The following TMEM245 variants were observed in gnomAD, a reference collection of about 807,000 sequenced individuals.
TMEM245 encodes protein CG-2.
A neutral mutation model predicts 101.2 loss-of-function variants in TMEM245; 69 were observed. The observed-to-expected ratio is 0.68, with a 90% CI of 0.56 to 0.83. The LOEUF (loss-of-function observed/expected upper bound fraction) is 0.83. Ranked by LOEUF, TMEM245 falls within the 40% of genes least tolerant of loss-of-function variation. The pLI is 0.00. For missense variants in TMEM245, 1,075 were observed against 1,092.8 expected, an observed-to-expected ratio of 0.98 and a Z score of 0.23; for synonymous variants, 537 against 449.8, an observed-to-expected ratio of 1.19 and a Z score of -2.45.
Position 109,119,910 on chromosome 9 carries a change from C to T in TMEM245, c.4G>A (p.Ala2Thr). 2 of 1,276,870 alleles carry T rather than the reference C, an allele frequency of 1.6e-6. No individual in the cohort carries two copies. The highest frequency in any genetic ancestry group is 3.1e-5 in the South Asian group (1 of 31,848). 79.1% of individuals were successfully genotyped at this position (1,276,870 alleles called of 1,614,324 possible). The change falls in exon 1 of 18, where the codon GCC becomes ACC. Residue 2 changes from alanine to threonine, a missense_variant. This residue lies in a region of TMEM245 where 808 missense variants were observed against 741.5 expected (regional missense o/e 1.09). Transcript: ENST00000374586. ...GCGTCCTTAGGGCCGCCGCCGTCGG[C>T]CATCGTTCCTCCGCCACAGCCGCCC... M[A>T]DGGGPKDAPS...
chr9:109,068,670 G>A (rs933727872), intron 9 of TMEM245, among the ~76,000 whole-genome samples: 2 of 151,952 alleles, frequency 1.3e-5, no homozygotes, highest in African/African-American at 4.8e-5. Flanking sequence ...CTTCCTAAAT[G>A]GAACATTAAT....
rs367943999 is a variant in TMEM245 at position 109,094,093 on chromosome 9, G to A, written c.800-502C>T. Among the ~76,000 whole-genome samples, 7 of 152,284 alleles carry A rather than the reference G, an allele frequency of 4.6e-5. No individual in the cohort carries two copies. The East Asian group carries it at 7.7e-4, about 17-fold the overall frequency. On this transcript the variant is annotated intron_variant, in intron 3 of 17. Transcript: ENST00000374586. The stretch of plus-strand genomic sequence containing the variant: ...ATAGATTTATAAATTACATAACTCA[G>A]TACAGGCAAAATCCACCACTTGAAA...
chr9:109,041,333 T>C (rs763586776), intron 14 of TMEM245, among the ~76,000 whole-genome samples: 15 of 152,016 alleles, frequency 9.9e-5, no homozygotes, highest in Non-Finnish European at 2.1e-4. Flanking sequence ...TAGATGATCC[T>C]GGAGGACATT....
intron 14 of TMEM245, among the ~76,000 whole-genome samples, chr9:109,041,453 ATTTTTTTTTT>A (rs1193341550): frequency 7.9e-4 from 66 of 83,254 alleles, no homozygotes; most frequent in African/African-American, 2.4e-3. Flanking sequence ...CATCCTACAA[ATTTTTTTTTT>A]TTTTTTTTTT....
intron 12 of TMEM245, among the ~76,000 whole-genome samples, chr9:109,052,181 T>TA (rs1242033032): frequency 1.3e-5 from 2 of 152,228 alleles, no homozygotes; most frequent in Non-Finnish European, 2.9e-5. Context: ...TCCTTCCTCT[T>TA]AATGAAAAAT....
chr9:109,093,696 C>G, intron 3 of TMEM245, 105 bp from the exon 4 acceptor site: 2 of 891,004 alleles, frequency 2.2e-6, no homozygotes, highest in Non-Finnish European at 3.7e-6. Context: ...AAAATGGTTA[C>G]TACTGACCCA....
chr9:109,087,265 T>G lies in TMEM245; in HGVS notation c.1228A>C (p.Ile410Leu), dbSNP rs369321391. 3 of 1,614,036 alleles carry G rather than the reference T, an allele frequency of 1.9e-6. No individual in the cohort carries two copies. The highest frequency in any genetic ancestry group is 1.7e-6 in the Non-Finnish European group (2 of 1,179,970). ...CGCTCCTTCAGGAAGCTTTCTATAA[T>G]GCCCCACCACACATGGTAGCGTTTC... is the stretch of plus-strand genomic sequence containing the variant. ...LEKRYHVWWG[I>L]IESFLKERQG... The change falls in exon 6 of 18, where the codon ATT (isoleucine) becomes CTT (leucine). Residue 410 changes from isoleucine (I) to leucine (L), a missense_variant. Coordinates refer to ENST00000374586, the MANE Select transcript of TMEM245 (RefSeq NM_032012.4).
At chr9:109,067,762 A>C (rs550744320) in intron 9 of TMEM245, among the ~76,000 whole-genome samples, 1 of 152,280 alleles carries the variant, frequency 6.6e-6, no homozygotes, top group African/African-American at 2.4e-5. Flanking sequence ...AATCTGTCTA[A>C]TTTACCCACC....
chr9:109,060,158 CAGAG>C (rs1296753169), intron 11 of TMEM245, among the ~76,000 whole-genome samples, 192 bp downstream of exon 11: 1 of 152,166 alleles, frequency 6.6e-6, no homozygotes, highest in African/African-American at 2.4e-5. Flanking sequence ...ACTGACGCAC[CAGAG>C]AGATAGGCAG....
At chr9:109,076,369 G>A (rs370894241) in intron 8 of TMEM245, among the ~76,000 whole-genome samples, 2 of 68,386 alleles carry the variant, frequency 2.9e-5, no homozygotes, top group African/African-American at 5.2e-5. Flanking sequence ...ATCACACACC[G>A]GGACCCACTG....
intron 1 of TMEM245, among the ~76,000 whole-genome samples, chr9:109,111,427 A>G (rs1306777434): frequency 1.3e-5 from 2 of 152,206 alleles, no homozygotes; most frequent in African/African-American, 4.8e-5. Context: ...AGGAATTAGT[A>G]TCATTTGCAA....
chr9:109,075,573 G>A (rs2132499706), intron 8 of TMEM245, among the ~76,000 whole-genome samples: 1 of 152,242 alleles, frequency 6.6e-6, no homozygotes, highest in East Asian at 1.9e-4. Context: ...ATTTCTTCTT[G>A]AGTCTGTTCC....
At chr9:109,030,916 G>A (rs1376908627) in intron 17 of TMEM245, among the ~76,000 whole-genome samples, 1 of 152,098 alleles carries the variant, frequency 6.6e-6, no homozygotes, top group Non-Finnish European at 1.5e-5. Flanking sequence ...TGTTGTTAAA[G>A]AATTTTACAT....
intron 17 of TMEM245, among the ~76,000 whole-genome samples, chr9:109,030,642 T>C (rs1317277808): frequency 6.6e-6 from 1 of 152,212 alleles, no homozygotes; most frequent in Non-Finnish European, 1.5e-5. Flanking sequence ...TGAGCACTTG[T>C]CTTTAAGAGG....
chr9:109,067,624 C>A (rs1484529349), intron 9 of TMEM245, among the ~76,000 whole-genome samples: 1 of 152,178 alleles, frequency 6.6e-6, no homozygotes, highest in African/African-American at 2.4e-5. Context: ...TCCTGAGGCA[C>A]AGGAATCAAC....
At chr9:109,102,010 A>G (rs1588075972) in intron 3 of TMEM245, among the ~76,000 whole-genome samples, 1 of 142,344 alleles carries the variant, frequency 7.0e-6, no homozygotes, top group Middle Eastern at 3.6e-3. Flanking sequence ...AGCAGTCAAA[A>G]GGGGAAACCA....
At chr9:109,039,254 C>G (rs1291307345) in intron 14 of TMEM245, 4 of 152,036 alleles carry the variant, frequency 2.6e-5, no homozygotes, top group African/African-American at 9.7e-5. Context: ...ATGGCTTTCA[C>G]TAGAGAACGT....
At chr9:109,112,818 C>G (rs192154452) in intron 1 of TMEM245, among the ~76,000 whole-genome samples, 1 of 152,144 alleles carries the variant, frequency 6.6e-6, no homozygotes, top group Admixed American at 6.5e-5. Context: ...TGGCTCATGC[C>G]TGTAATCCCA....
At chr9:109,030,927 A>G (rs1564169481) in intron 17 of TMEM245, among the ~76,000 whole-genome samples, 2 of 152,234 alleles carry the variant, frequency 1.3e-5, no homozygotes, top group Non-Finnish European at 2.9e-5. Flanking sequence ...AATTTTACAT[A>G]AAAGTATAAA....
Sources: allele counts gnomAD v4.1 joint callset (sites outside exome capture counted in the v4.1 genomes callset), GRCh38; gene constraint gnomAD v4.1.1; regional missense constraint gnomAD v4.1.1; transcripts MANE v1.5; gene names NCBI Gene and HGNC (gene_info 2026-07-23, HGNC 2026-07-21).